Variants in HEMK2 observed in about 807,000 individuals in gnomAD.
HEMK2 encodes methyltransferase HEMK2.
chr21:28,646,916 TA>T, the HEMK2 span, among the ~76,000 whole-genome samples: 8,804 of 152,260 alleles, frequency 0.058, 356 homozygotes, highest in Non-Finnish European at 0.091. Context: ...TTCTACTAGT[TA>T]AGCATGTTGC....
the HEMK2 span, among the ~76,000 whole-genome samples, chr21:28,834,321 A>G: frequency 6.6e-6 from 1 of 152,196 alleles, no homozygotes; most frequent in South Asian, 2.1e-4. Flanking sequence ...AGACCCCCCA[A>G]AACTGTGAGT....
At chr21:28,629,124 G>A in the HEMK2 span, among the ~76,000 whole-genome samples, 1 of 152,130 alleles carries the variant, frequency 6.6e-6, no homozygotes, top group African/African-American at 2.4e-5. Context: ...ACGCAAGTCT[G>A]GGAAACACAG....
At chr21:28,879,246 G>A in the HEMK2 span, among the ~76,000 whole-genome samples, 3 of 151,962 alleles carry the variant, frequency 2.0e-5, no homozygotes, top group African/African-American at 7.2e-5. Context: ...CACCATGCCT[G>A]GCTAATTTTT....
the HEMK2 span, among the ~76,000 whole-genome samples, chr21:28,628,700 C>T: frequency 1.3e-5 from 2 of 152,212 alleles, no homozygotes; most frequent in East Asian, 1.9e-4. Flanking sequence ...GTGATTGGCC[C>T]ACCTTGGCCT....
the HEMK2 span, among the ~76,000 whole-genome samples, chr21:28,716,896 T>G: frequency 2.0e-5 from 3 of 152,272 alleles, no homozygotes; most frequent in Middle Eastern, 6.8e-3. Flanking sequence ...TGTCTTCAGT[T>G]TTTAGTTGTG....
At chr21:28,647,823 G>A in the HEMK2 span, among the ~76,000 whole-genome samples, 1 of 152,206 alleles carries the variant, frequency 6.6e-6, no homozygotes. Flanking sequence ...GGCTTGGGAT[G>A]CACTGAGTAG....
chr21:28,695,991 G>A, the HEMK2 span, among the ~76,000 whole-genome samples: 2 of 151,876 alleles, frequency 1.3e-5, no homozygotes, highest in Non-Finnish European at 2.9e-5. Flanking sequence ...TATATATAAA[G>A]GTTGAAGGAA....
chr21:28,648,548 A>G, the HEMK2 span, among the ~76,000 whole-genome samples: 18 of 152,310 alleles, frequency 1.2e-4, no homozygotes, highest in Admixed American at 1.0e-3. Context: ...GGTTTGTTAA[A>G]TGAATAATTA....
chr21:28,879,307 A>G, the HEMK2 span, among the ~76,000 whole-genome samples: 2 of 152,072 alleles, frequency 1.3e-5, no homozygotes, highest in African/African-American at 4.8e-5. Context: ...CAGTGGCTTG[A>G]TCTCAGCTCA....
At chr21:28,735,397 G>A in the HEMK2 span, among the ~76,000 whole-genome samples, 1 of 152,110 alleles carries the variant, frequency 6.6e-6, no homozygotes, top group African/African-American at 2.4e-5. Flanking sequence ...GTGGTTGTAG[G>A]ACTGAGGTCC....
chr21:28,735,046 T>G, the HEMK2 span, among the ~76,000 whole-genome samples: 1 of 152,150 alleles, frequency 6.6e-6, no homozygotes, highest in Non-Finnish European at 1.5e-5. Flanking sequence ...CGGCACTGCT[T>G]CATTGATCTC....
the HEMK2 span, among the ~76,000 whole-genome samples, chr21:28,576,805 G>A: frequency 1.3e-5 from 2 of 152,076 alleles, no homozygotes; most frequent in Non-Finnish European, 2.9e-5. Flanking sequence ...CCACCTCCCG[G>A]GTTCAAGCAA....
At chr21:28,758,429 G>A in the HEMK2 span, among the ~76,000 whole-genome samples, 1 of 152,126 alleles carries the variant, frequency 6.6e-6, no homozygotes, top group African/African-American at 2.4e-5. Flanking sequence ...ATCTGGAAAA[G>A]ACAAAAAGGA....
chr21:28,727,381 C>T, the HEMK2 span, among the ~76,000 whole-genome samples: 2 of 152,218 alleles, frequency 1.3e-5, no homozygotes, highest in Non-Finnish European at 2.9e-5. Flanking sequence ...AACTAAGAAT[C>T]AACTCTTTGG....
chr21:28,776,810 G>A, the HEMK2 span, among the ~76,000 whole-genome samples: 1 of 152,158 alleles, frequency 6.6e-6, no homozygotes, highest in South Asian at 2.1e-4. Flanking sequence ...GATGAAGGCT[G>A]GAAGACTCAG....
the HEMK2 span, among the ~76,000 whole-genome samples, chr21:28,707,682 C>CTA: frequency 3.2e-4 from 48 of 150,902 alleles, no homozygotes; most frequent in South Asian, 1.3e-3. Flanking sequence ...AACTATCCTA[C>CTA]TATATATATA....
the HEMK2 span, among the ~76,000 whole-genome samples, chr21:28,777,377 A>G: frequency 3.9e-5 from 6 of 152,222 alleles, no homozygotes; most frequent in African/African-American, 1.4e-4. Context: ...CTCAATTGCT[A>G]TTAGCAAGGA....
the HEMK2 span, among the ~76,000 whole-genome samples, chr21:28,667,149 G>T: frequency 1.5e-3 from 225 of 152,228 alleles, no homozygotes; most frequent in African/African-American, 5.1e-3. Context: ...AGGTCCTGAT[G>T]AAATATATGC....
At chr21:28,636,073 A>C in the HEMK2 span, among the ~76,000 whole-genome samples, 1 of 151,892 alleles carries the variant, frequency 6.6e-6, no homozygotes, top group African/African-American at 2.4e-5. Flanking sequence ...CTTGTTCCAC[A>C]CTTGCCTACA....
Sources: gnomAD v4.1 joint callset for allele counts (sites outside exome capture counted in the v4.1 genomes callset) on GRCh38, gnomAD v4.1.1 for gene constraint, MANE v1.5 for transcripts, NCBI Gene and HGNC (gene_info 2026-07-23, HGNC 2026-07-21) for gene names.